TPCN2: variants seen among roughly 807,000 people sequenced by gnomAD.
TPCN2 encodes two pore channel protein 2.
TPCN2 carries 92 observed loss-of-function variants against 111.4 expected under a neutral mutation model. The ratio of observed to expected loss-of-function variants is 0.83; its 90% CI spans 0.70 to 0.98. The LOEUF (loss-of-function observed/expected upper bound fraction) is 0.98, where lower values mean the gene tolerates loss of function less well. Ranked by LOEUF, TPCN2 falls within the 50% of genes least tolerant of loss-of-function variation. The pLI is 0.00. For missense variants in TPCN2, 995 were observed against 980.1 expected (o/e 1.02, Z -0.20); for synonymous variants, 405 against 414.5 (o/e 0.98, Z 0.28).
intron 7 of TPCN2, among the ~76,000 whole-genome samples, chr11:69,065,259 AC>A (rs1855220852): frequency 6.6e-6 from 1 of 152,036 alleles, no homozygotes; most frequent in Non-Finnish European, 1.5e-5. Flanking sequence ...CCGTCCAGTG[AC>A]CCCTGCAGTA....
rs979358716 is a variant in TPCN2, at chr11:69,067,636, G to A, written c.829+31G>A. The A allele has an allele frequency of 3.1e-6, 5 of 1,608,484 alleles. No individual in the cohort carries two copies. In the African/African-American group the frequency reaches 5.3e-5, roughly 17 times the overall value. The stretch of plus-strand genomic sequence containing the variant: ...TGCAGGGCCAGGGAGGGACCGTGGG[G>A]GTCGGTGAGCCCAGCACTGGGGGGC... On this transcript the variant is annotated intron_variant, in intron 8 of 24. Transcript: ENST00000294309.
chr11:69,088,247 A>G lies in TPCN2; in HGVS notation c.*294A>G, dbSNP rs565639946. ...GGACCTTTCAGACAAAAATGCAAGAAGCAGCGGCCTCCCCTGTCCCCTGCA... is the reference window on the plus strand; with the variant it reads ...GGACCTTTCAGACAAAAATGCAAGAGGCAGCGGCCTCCCCTGTCCCCTGCA... On this transcript the variant is annotated 3_prime_UTR_variant, in exon 25 of 25. Transcript: ENST00000294309. The G allele has an allele frequency of 2.3e-5, 9 of 398,892 alleles. No individual in the cohort carries two copies. The highest frequency in any genetic ancestry group is 2.2e-4 in the South Asian group (7 of 31,562). The allele number at this position is 398,892 out of a possible 1,614,324, so 24.7% of individuals were successfully genotyped here.
Position 69,078,931 on chromosome 11 carries a change from A to T in TPCN2, c.1450A>T (p.Met484Leu), listed in dbSNP as rs35264875. The change falls in exon 16 of 25, where the codon ATG becomes TTG. Residue 484 changes from methionine to leucine, a missense_variant. Transcript: ENST00000294309. ...CVFIVYYLLE[M>L]LLKVFALGLR... ...CTTCATTGTGTACTACCTGTTGGAGATGCTGCTCAAGGTCTTTGCCCTGGG... is the reference window on the plus strand; with the variant it reads ...CTTCATTGTGTACTACCTGTTGGAGTTGCTGCTCAAGGTCTTTGCCCTGGG... The T allele has an allele frequency of 0.16, 259,841 of 1,613,720 alleles. 23,617 individuals carry two copies. Among genetic ancestry groups the T allele is most frequent in the South Asian group, 0.22 (19,988 of 91,072 alleles).
At chr11:69,050,088 GCCCATC>G (rs1212673779) in intron 1 of TPCN2, among the ~76,000 whole-genome samples, 3 of 152,216 alleles carry the variant, frequency 2.0e-5, no homozygotes, top group Non-Finnish European at 2.9e-5. Context: ...TGTGGCATGT[GCCCATC>G]CATGGAGTAA....
chr11:69,076,777 C>T (rs1422746548), intron 13 of TPCN2, among the ~76,000 whole-genome samples: 1 of 42,514 alleles, frequency 2.4e-5, no homozygotes, highest in African/African-American at 8.9e-5. Context: ...GCCCTCCTGC[C>T]GTGTCCCTCC....
chr11:69,062,083 G>T (rs1315638359), intron 5 of TPCN2, among the ~76,000 whole-genome samples: 1 of 152,094 alleles, frequency 6.6e-6, no homozygotes, highest in Non-Finnish European at 1.5e-5. Flanking sequence ...TTCTGATGAG[G>T]CCTCAGGAAG....
At chr11:69,081,535 C>T (rs1856010643) in intron 18 of TPCN2, 36 bp downstream of exon 18, 2 of 1,464,774 alleles carry the variant, frequency 1.4e-6, no homozygotes, top group African/African-American at 1.4e-5. Flanking sequence ...GCCCCACCCT[C>T]CTGGGTCATG....
intron 9 of TPCN2, among the ~76,000 whole-genome samples, chr11:69,071,023 C>A (rs1855507818): frequency 6.7e-6 from 1 of 149,574 alleles, no homozygotes; most frequent in African/African-American, 2.5e-5. Flanking sequence ...CCGGGGATCC[C>A]CCACCAACAG....
chr11:69,078,489 C>A lies in TPCN2; in HGVS notation c.1238C>A (p.Pro413Gln). 1.2e-6 allele frequency: 2 copies of A among 1,614,084 alleles called. No homozygotes were observed. The highest frequency in any genetic ancestry group is 1.7e-6 in the Non-Finnish European group (2 of 1,180,036). The change falls in exon 14 of 25, where the codon CCG becomes CAG. Residue 413 changes from proline (P) to glutamine (Q), a missense_variant. By Grantham distance (76) the Pro-to-Gln change is moderately conservative. Transcript: ENST00000294309. ...CGTGTGTTCCTTGCCCAGCACCCGC[C>A]GAGGCCCGAGTACCAGTCTCCGTTT... ...LDRSVVKEHP[P>Q]RPEYQSPFLQ...
chr11:69,086,225 G>T (rs1276717817), intron 22 of TPCN2, among the ~76,000 whole-genome samples: 2 of 152,192 alleles, frequency 1.3e-5, no homozygotes, highest in East Asian at 3.9e-4. Flanking sequence ...CCCCGGGAAG[G>T]CTGAGTGAAC....
chr11:69,057,654 T>C lies in TPCN2; in HGVS notation c.506T>C (p.Leu169Pro). 6.2e-7 allele frequency: 1 copy of C among 1,614,218 alleles called. No individual in the cohort carries two copies. Residue 169 changes from leucine to proline, a missense_variant, in exon 5 of 25, where the codon CTG becomes CCG. Physicochemically the swap from Leu to Pro is moderately conservative, Grantham distance 98. Transcript: ENST00000294309. ...LGYLVVLVVSLVDWTVSLSLV... is the reference protein window; with the variant it reads ...LGYLVVLVVSPVDWTVSLSLV... Reference sequence around the variant, plus strand: ...TACCTCGTGGTGCTGGTGGTGTCTCTGGTGGACTGGACCGTGTCCCTGAGT... The same window carrying C: ...TACCTCGTGGTGCTGGTGGTGTCTCCGGTGGACTGGACCGTGTCCCTGAGT...
At chr11:69,067,364 C>A (rs1423312709) in intron 7 of TPCN2, 139 bp from the exon 8 acceptor site, 1 of 776,234 alleles carries the variant, frequency 1.3e-6, no homozygotes, top group Admixed American at 2.0e-5. Flanking sequence ...TGGCCATGAG[C>A]TCAGCCTGCT....
rs530382819 is a variant in TPCN2, at chr11:69,065,651, C to T, written c.726+1684C>T. Among the ~76,000 whole-genome samples, 196 of 152,316 alleles carry T rather than the reference C, an allele frequency of 1.3e-3. 1 individual carries two copies. The highest frequency in any genetic ancestry group is 2.2e-3 in the Non-Finnish European group (148 of 68,034). ...AGGCTGTGCTTCTGGGTGCAGCGGC[C>T]GCCTTGCTTTAGCTACCTTTGTGAG... On this transcript the variant is annotated intron_variant, in intron 7 of 24. Coordinates refer to ENST00000294309, the MANE Select transcript of TPCN2 (RefSeq NM_139075.4).
chr11:69,082,525 G>A (rs571081642), intron 18 of TPCN2, among the ~76,000 whole-genome samples: 24 of 151,980 alleles, frequency 1.6e-4, no homozygotes, highest in African/African-American at 5.1e-4. Flanking sequence ...TGCACACATC[G>A]CATGCAGATA....
At chr11:69,061,231 G>T (rs1378473965) in intron 5 of TPCN2, among the ~76,000 whole-genome samples, 6 of 152,212 alleles carry the variant, frequency 3.9e-5, no homozygotes, top group African/African-American at 7.2e-5. Context: ...CGTTCTGCAG[G>T]TTGCGGGGGC....
chr11:69,062,231 A>G (rs1026374814), intron 5 of TPCN2, among the ~76,000 whole-genome samples: 8 of 152,108 alleles, frequency 5.3e-5, no homozygotes, highest in Admixed American at 4.6e-4. Context: ...CAGGCTATTC[A>G]TGAGGGATCC....
intron 6 of TPCN2, 104 bp downstream of exon 6, chr11:69,063,094 G>A (rs923666412): frequency 7.5e-5 from 74 of 984,590 alleles, no homozygotes; most frequent in Admixed American, 2.5e-4. Flanking sequence ...CTTGGACTGC[G>A]TGCTCCGCAT....
intron 8 of TPCN2, among the ~76,000 whole-genome samples, chr11:69,069,759 G>A (rs1374244976): frequency 4.5e-5 from 5 of 111,910 alleles, no homozygotes; most frequent in East Asian, 2.4e-4. Flanking sequence ...GAGCAGGACC[G>A]TCTGAGTCCT....
At chr11:69,054,617 C>A (rs1437294595) in intron 2 of TPCN2, 104 bp from the exon 3 acceptor site, 2 of 1,106,042 alleles carry the variant, frequency 1.8e-6, no homozygotes, top group Non-Finnish European at 2.7e-6. Flanking sequence ...CCCCTGTGAT[C>A]CACAGCCTGA....
Sources: allele counts gnomAD v4.1 joint callset (sites outside exome capture counted in the v4.1 genomes callset), GRCh38; gene constraint gnomAD v4.1.1; transcripts MANE v1.5; gene names NCBI Gene and HGNC (gene_info 2026-07-23, HGNC 2026-07-21).